Variants in TGFBR1 observed in about 807,000 individuals in gnomAD.
TGFBR1 encodes transforming growth factor beta receptor 1.
Under a neutral mutation model 55.1 loss-of-function variants are expected in TGFBR1, and 20 were observed. That is an observed-to-expected ratio of 0.36 (90% confidence interval 0.26 to 0.53). The LOEUF is 0.53. TGFBR1 is among the 20% of genes least tolerant of loss of function. The probability of loss-of-function intolerance (pLI) is 0.91; values close to 1 mark genes in which losing one functional copy is unlikely to be tolerated. For missense variants in TGFBR1, 385 were observed against 617.6 expected (o/e 0.62, Z 3.99); for synonymous variants, 220 against 214.8 (o/e 1.02, Z -0.21).
intron 1 of TGFBR1, among the ~76,000 whole-genome samples, chr9:99,121,587 G>GT (rs990146990): frequency 2.6e-5 from 4 of 151,966 alleles, no homozygotes; most frequent in Non-Finnish European, 4.4e-5. Context: ...GTCCCTGAAA[G>GT]TTTTTTTTAA....
At chr9:99,127,548 A>G (rs186057856) in intron 1 of TGFBR1, among the ~76,000 whole-genome samples, 2 of 152,320 alleles carry the variant, frequency 1.3e-5, no homozygotes, top group African/African-American at 4.8e-5. Context: ...AGCCAAGGCC[A>G]GTTTTGAAGA....
intron 5 of TGFBR1, among the ~76,000 whole-genome samples, chr9:99,144,352 G>T (rs955072377): frequency 2.6e-5 from 4 of 152,086 alleles, no homozygotes; most frequent in African/African-American, 9.7e-5. Flanking sequence ...ACTTAATACT[G>T]AGTACATTGC....
chr9:99,130,895 ATTGAG>A (rs1410010798), intron 2 of TGFBR1, among the ~76,000 whole-genome samples: 1 of 152,214 alleles, frequency 6.6e-6, no homozygotes, highest in African/African-American at 2.4e-5. Flanking sequence ...AAAATGCACT[ATTGAG>A]AGCGAACAAC....
intron 1 of TGFBR1, among the ~76,000 whole-genome samples, chr9:99,111,072 TA>T (rs1402395258): frequency 6.6e-6 from 1 of 152,208 alleles, no homozygotes; most frequent in Non-Finnish European, 1.5e-5. Flanking sequence ...GCCATTCAGA[TA>T]CTAACAGTCT....
At position 99,153,608 on chromosome 9, in the gene TGFBR1, TAGA is replaced by T. The variant is rs1467527702; in HGVS notation, c.*4308_*4310del. The T allele has an allele frequency of 5.1e-6, 1 of 194,370 alleles. No individual in the cohort carries two copies. The highest frequency in any genetic ancestry group is 6.1e-5 in the Admixed American group (1 of 16,388). The allele number at this position is 194,370 out of a possible 1,614,324, so 12.0% of individuals were successfully genotyped here. Reference sequence around the variant, plus strand: ...CTTATGTTAAGTCCTAACACTACAGTAGAAGAATGGAAGCAGTGCAAATAAATT... The same window carrying T: ...CTTATGTTAAGTCCTAACACTACAGTAGAATGGAAGCAGTGCAAATAAATT... On this transcript the variant is annotated 3_prime_UTR_variant, in exon 9 of 9. Transcript: ENST00000374994.
intron 4 of TGFBR1, 124 bp from the exon 5 acceptor site, chr9:99,142,412 C>T (rs992759352): frequency 9.9e-7 from 1 of 1,014,914 alleles, no homozygotes; most frequent in East Asian, 2.5e-5. Flanking sequence ...GAAGGAAATA[C>T]AGACTTAAGG....
At chr9:99,131,266 ATTTTTAC>A (rs1827215027) in intron 2 of TGFBR1, among the ~76,000 whole-genome samples, 1 of 152,122 alleles carries the variant, frequency 6.6e-6, no homozygotes. Context: ...CAAATGGAAC[ATTTTTAC>A]GATCACCTAA....
chr9:99,143,516 A>G (rs959221436), intron 5 of TGFBR1, among the ~76,000 whole-genome samples: 1 of 152,222 alleles, frequency 6.6e-6, no homozygotes, highest in African/African-American at 2.4e-5. Context: ...ATGCCAGTAT[A>G]TCTCTCTGCT....
rs940224277 is a variant in TGFBR1 at position 99,105,325 on chromosome 9, G to A, written c.97+23G>A. On this transcript the variant is annotated intron_variant, in intron 1 of 8. Transcript: ENST00000374994. Reference sequence around the variant, plus strand: ...CGGGTGAGCGGCGGCGCGGCGGGCGGGCGACTGCGGGGCGCGCGGGCCGGA... The same window carrying A: ...CGGGTGAGCGGCGGCGCGGCGGGCGAGCGACTGCGGGGCGCGCGGGCCGGA... 1.4e-5 allele frequency: 14 copies of A among 980,862 alleles called. No homozygotes were observed. In the African/African-American group the frequency reaches 1.9e-4, roughly 14 times the overall value. 60.8% of individuals were successfully genotyped at this position (980,862 alleles called of 1,614,324 possible). A position where few individuals can be genotyped will look rare whatever the true frequency, so the allele number is the denominator to read the frequency against.
In TGFBR1 at chr9:99,113,477, G is replaced by A. The variant is rs145172718; in HGVS notation, c.97+8175G>A. On this transcript the variant is annotated intron_variant, in intron 1 of 8. Transcript: ENST00000374994. Reference sequence around the variant, plus strand: ...AGTTTTGAAGGCAGATTAAATTCATGTGACTTGGTTGTCAGAAATTTAATG... The same window carrying A: ...AGTTTTGAAGGCAGATTAAATTCATATGACTTGGTTGTCAGAAATTTAATG... 8.8e-4 allele frequency among the ~76,000 whole-genome samples: 134 copies of A among 152,314 alleles called. 1 individual carries two copies. Among genetic ancestry groups the A allele is most frequent in the Middle Eastern group, 3.4e-3 (1 of 294 alleles).
At chr9:99,134,040 G>C (rs1349666198) in intron 3 of TGFBR1, among the ~76,000 whole-genome samples, 1 of 151,222 alleles carries the variant, frequency 6.6e-6, no homozygotes, top group African/African-American at 2.4e-5. Context: ...TTATAATTGA[G>C]TGATATTAAA....
chr9:99,141,662 T>C (rs1303066961), intron 4 of TGFBR1, among the ~76,000 whole-genome samples: 2 of 152,242 alleles, frequency 1.3e-5, no homozygotes, highest in Non-Finnish European at 2.9e-5. Context: ...TGGATTGTGC[T>C]GTCTCCTAAT....
chr9:99,104,724 G>C (rs1003797485), upstream of TGFBR1, among the ~76,000 whole-genome samples: 4 of 152,190 alleles, frequency 2.6e-5, no homozygotes, highest in Non-Finnish European at 5.9e-5. Context: ...GCGCCTAGAG[G>C]AGGTTAGAAG....
At position 99,150,762 on chromosome 9, in the gene TGFBR1, T is replaced by C. The variant is rs927857812; in HGVS notation, c.*1457T>C. The C allele has an allele frequency of 1.4e-5, 3 of 215,340 alleles. No individual in the cohort carries two copies. The highest frequency in any genetic ancestry group is 6.8e-5 in the African/African-American group (3 of 44,368). The allele number at this position is 215,340 out of a possible 1,614,324, so 13.3% of individuals were successfully genotyped here. ...TGGTAGCTAAAGAACATTCTGAGTA[T>C]AGGTTTTTCTCCATTTACAGATGTC... On this transcript the variant is annotated 3_prime_UTR_variant, in exon 9 of 9. Transcript: ENST00000374994.
At chr9:99,105,328 G>C (rs1361349319) in intron 1 of TGFBR1, 26 bp downstream of exon 1, 4 of 980,916 alleles carry the variant, frequency 4.1e-6, no homozygotes, top group Admixed American at 1.3e-4. Context: ...GCGGGCGGGC[G>C]ACTGCGGGGC....
At chr9:99,144,137 G>A (rs1827717667) in intron 5 of TGFBR1, among the ~76,000 whole-genome samples, 1 of 152,098 alleles carries the variant, frequency 6.6e-6, no homozygotes, top group Non-Finnish European at 1.5e-5. Flanking sequence ...CATGTTTTCA[G>A]TTATCTTGGG....
chr9:99,141,769 A>G (rs1469924651), intron 4 of TGFBR1, among the ~76,000 whole-genome samples: 1 of 152,160 alleles, frequency 6.6e-6, no homozygotes, highest in African/African-American at 2.4e-5. Flanking sequence ...CTAGCTTAGG[A>G]GCCTAGCTAG....
chr9:99,121,401 A>C (rs1259465128), intron 1 of TGFBR1, among the ~76,000 whole-genome samples: 1 of 152,158 alleles, frequency 6.6e-6, no homozygotes, highest in Non-Finnish European at 1.5e-5. Context: ...ATATTTAATA[A>C]AAAGAAAAGG....
At chr9:99,129,645 TC>T (rs1827156776) in intron 2 of TGFBR1, among the ~76,000 whole-genome samples, 1 of 152,230 alleles carries the variant, frequency 6.6e-6, no homozygotes, top group Non-Finnish European at 1.5e-5. Context: ...ATGCCTGTAA[TC>T]CCAGCACTTT....
Sources: allele counts gnomAD v4.1 joint callset (sites outside exome capture counted in the v4.1 genomes callset), GRCh38; gene constraint gnomAD v4.1.1; transcripts MANE v1.5; gene names NCBI Gene and HGNC (gene_info 2026-07-23, HGNC 2026-07-21).